SBNO2: variants seen among roughly 807,000 people sequenced by gnomAD.
The protein encoded by SBNO2 is protein strawberry notch homolog 2.
A neutral mutation model predicts 146.3 loss-of-function variants in SBNO2; 89 were observed. That is an observed-to-expected ratio of 0.61 (90% CI 0.51 to 0.73). The LOEUF (loss-of-function observed/expected upper bound fraction) is 0.73, where lower values mean the gene tolerates loss of function less well. Among genes scored for constraint, SBNO2 ranks in the 30% least tolerant of loss-of-function variants. The pLI is 0.00. For missense variants in SBNO2, 2,092 were observed against 2,003.7 expected (o/e 1.04, Z -0.84); for synonymous variants, 1,147 against 892.6 (o/e 1.29, Z -5.08).
chr19:1,131,819 C>T (rs1443173304), intron 4 of SBNO2, among the ~76,000 whole-genome samples: 2 of 152,268 alleles, frequency 1.3e-5, no homozygotes, highest in Non-Finnish European at 2.9e-5. Context: ...GCCCGACCCC[C>T]CCACTCCGCT....
chr19:1,141,703 C>T (rs1213791018), intron 4 of SBNO2, among the ~76,000 whole-genome samples: 1 of 152,080 alleles, frequency 6.6e-6, no homozygotes, highest in Admixed American at 6.6e-5. Context: ...CTGGGAACTC[C>T]CAGACTCAAG....
chr19:1,169,665 G>C (rs966990524), intron 1 of SBNO2, among the ~76,000 whole-genome samples: 1 of 137,854 alleles, frequency 7.3e-6, no homozygotes, highest in African/African-American at 2.5e-5. Context: ...CTTGATGCAA[G>C]CTGGCTGCAG....
At chr19:1,123,187 T>C (rs1325285115) in intron 7 of SBNO2, 142 bp from the exon 8 acceptor site, 28 of 974,446 alleles carry the variant, frequency 2.9e-5, no homozygotes, top group Non-Finnish European at 9.1e-6. Context: ...GTTGGGCGGG[T>C]CATGGGCGTG....
intron 18 of SBNO2, 51 bp downstream of exon 18, chr19:1,114,180 G>A: frequency 7.2e-7 from 1 of 1,389,460 alleles, no homozygotes; most frequent in African/African-American, 1.5e-5. Flanking sequence ...TGCTCAGCCT[G>A]GACTGGAATC....
In SBNO2 at chr19:1,161,845, G is replaced by C. The variant is rs868333412; in HGVS notation, c.-126-7443C>G. Among the ~76,000 whole-genome samples, 7 of 149,036 alleles carry C rather than the reference G, an allele frequency of 4.7e-5. No homozygotes were observed. The South Asian group carries it at 1.1e-3, about 23-fold the overall frequency. On this transcript the variant is annotated intron_variant, in intron 1 of 31. Transcript: ENST00000361757. ...GGCTCTGCTGTCTTGTGAAAGAGTCGTCAGTCAGGCGGCAGGGCCAGGAGG... is the reference window on the plus strand; with the variant it reads ...GGCTCTGCTGTCTTGTGAAAGAGTCCTCAGTCAGGCGGCAGGGCCAGGAGG...
rs1178792141 is a variant in SBNO2, at chr19:1,158,366, C to G, written c.-126-3964G>C. ...GCACTTTCGGATGTGGACACGGAGG[C>G]CCCTAGGTGGAGCCTTGACGTGACC... On this transcript the variant is annotated intron_variant, in intron 1 of 31. Transcript: ENST00000361757. This position sits in a 1 kb window ranked among gnomAD's most constrained non-coding sequence, Gnocchi z 9.9. Among the ~76,000 whole-genome samples, 1 of 152,146 alleles carries G rather than the reference C, an allele frequency of 6.6e-6. No individual in the cohort carries two copies. The highest frequency in any genetic ancestry group is 1.9e-4 in the East Asian group (1 of 5,202).
chr19:1,152,450 G>A lies in SBNO2; in HGVS notation c.93+1734C>T, dbSNP rs532717973. On this transcript the variant is annotated intron_variant, in intron 2 of 31. Transcript: ENST00000361757. ...CGGAACAAGCTCCTGGCGGGTTTCG[G>A]GGGATGGAGCTGTTCCGGTGGGGAT... Among the ~76,000 whole-genome samples, 5 of 152,246 alleles carry A rather than the reference G, an allele frequency of 3.3e-5. No individual in the cohort carries two copies. The South Asian group carries it at 6.2e-4, about 19-fold the overall frequency.
chr19:1,124,055 G>C (rs1395598107), intron 5 of SBNO2, 33 bp from the exon 6 acceptor site: 7 of 1,594,286 alleles, frequency 4.4e-6, no homozygotes, highest in Non-Finnish European at 5.1e-6. Flanking sequence ...GCCCGGGCCA[G>C]ACGGGACAGG....
intron 1 of SBNO2, among the ~76,000 whole-genome samples, chr19:1,155,469 A>G (rs998987428): frequency 3.3e-5 from 5 of 152,196 alleles, no homozygotes; most frequent in Non-Finnish European, 5.9e-5. Flanking sequence ...ACCCACTGCC[A>G]CCAGAGCTGG....
At position 1,108,655 on chromosome 19, in the gene SBNO2, C is replaced by T. The variant is rs1200776781; in HGVS notation, c.3666G>A (p.Arg1222=). 15 of 1,519,124 alleles carry T rather than the reference C, an allele frequency of 9.9e-6. No individual in the cohort carries two copies. The highest frequency in any genetic ancestry group is 5.1e-5 in the East Asian group (2 of 39,228). The allele number at this position is 1,519,124 out of a possible 1,614,324, so 94.1% of individuals were successfully genotyped here. Reference sequence around the variant, plus strand: ...TGCGCTTCACGTCCGCATCCATCAGCCGCAGCTCCTGCAGCACCCGGCGCA... The same window carrying T: ...TGCGCTTCACGTCCGCATCCATCAGTCGCAGCTCCTGCAGCACCCGGCGCA... ...GCVRRVLQEL[R]LMDADVKRRQ... Residue 1222 remains arginine, a synonymous_variant, in exon 32 of 32, where the codon CGG becomes CGA. Coordinates refer to ENST00000361757, the MANE Select transcript of SBNO2 (RefSeq NM_014963.3).
chr19:1,171,704 G>A (rs2080479650), intron 1 of SBNO2, among the ~76,000 whole-genome samples: 3 of 151,962 alleles, frequency 2.0e-5, no homozygotes, highest in Admixed American at 2.0e-4. Flanking sequence ...GTTGGGCCAA[G>A]CCCAAGCTGG....
chr19:1,165,678 A>ACCCAGATCCCAGACCCCAAACCCCAGAT (rs150451244), intron 1 of SBNO2, among the ~76,000 whole-genome samples: 1 of 61,868 alleles, frequency 1.6e-5, no homozygotes, highest in Non-Finnish European at 3.3e-5. Flanking sequence ...AGACCCCAGT[A>ACCCAGATCCCAGACCCCAAACCCCAGAT]CCCAGACCCC....
Position 1,157,761 on chromosome 19 carries a change from C to G in SBNO2, c.-126-3359G>C, listed in dbSNP as rs2080305584. On this transcript the variant is annotated intron_variant, in intron 1 of 31. Transcript: ENST00000361757. The surrounding 1 kb of genome is among the most constrained non-coding windows in gnomAD (Gnocchi z 6.8). The stretch of plus-strand genomic sequence containing the variant: ...GGGAAGGCAGAACCTCAGACAGGAC[C>G]AAGATCCGGGAGAATCCGAGGAACC... 6.6e-6 allele frequency among the ~76,000 whole-genome samples: 1 copy of G among 152,186 alleles called. No individual in the cohort carries two copies. The highest frequency in any genetic ancestry group is 2.4e-5 in the African/African-American group (1 of 41,426).
At chr19:1,128,700 A>G (rs2079995313) in intron 4 of SBNO2, among the ~76,000 whole-genome samples, 1 of 148,404 alleles carries the variant, frequency 6.7e-6, no homozygotes, top group African/African-American at 2.5e-5. Context: ...GCCACATGTG[A>G]TGTCTCACGC....
chr19:1,132,016 C>A, intron 4 of SBNO2: 1 of 1,191,566 alleles, frequency 8.4e-7, no homozygotes, highest in Non-Finnish European at 1.1e-6. Context: ...GGGGGCCCGG[C>A]CGTCCTGAAT....
chr19:1,129,599 C>T (rs759380328), intron 4 of SBNO2, among the ~76,000 whole-genome samples: 1 of 152,132 alleles, frequency 6.6e-6, no homozygotes, highest in Non-Finnish European at 1.5e-5. Flanking sequence ...CTGAGGCCCA[C>T]GAGGGCCCTC....
intron 5 of SBNO2, 85 bp from the exon 6 acceptor site, chr19:1,124,107 G>T (rs1167502460): frequency 1.6e-6 from 2 of 1,264,496 alleles, no homozygotes; most frequent in Non-Finnish European, 2.3e-6. Context: ...CCAGAGGGAG[G>T]CTCCCCACTG....
At chr19:1,142,424 C>T (rs1283206586) in intron 4 of SBNO2, among the ~76,000 whole-genome samples, 2 of 152,246 alleles carry the variant, frequency 1.3e-5, no homozygotes, top group Non-Finnish European at 2.9e-5. Flanking sequence ...CCAAGAAACT[C>T]AGGGCTCAGG....
chr19:1,171,660 G>A (rs1599893550), intron 1 of SBNO2, among the ~76,000 whole-genome samples: 1 of 152,166 alleles, frequency 6.6e-6, no homozygotes, highest in Non-Finnish European at 1.5e-5. Flanking sequence ...CATGGGCCCT[G>A]CCGGAGGGGC....
Sources: gnomAD v4.1 joint callset for allele counts (sites outside exome capture counted in the v4.1 genomes callset) on GRCh38, gnomAD v4.1.1 for gene constraint, Gnocchi (gnomAD v3.1) non-coding constraint, MANE v1.5 for transcripts, NCBI Gene and HGNC (gene_info 2026-07-23, HGNC 2026-07-21) for gene names.